TSC22D1: variants seen among roughly 807,000 people sequenced by gnomAD.
The protein encoded by TSC22D1 is TSC22 domain family member 1, also known as TSC22 domain family protein 1.
In TSC22D1, 9 loss-of-function variants were observed where a neutral mutation model predicts 74.2. That is an observed-to-expected ratio of 0.12 (90% CI 0.07 to 0.21). The LOEUF is 0.21. TSC22D1 is among the 10% of genes least tolerant of loss of function. TSC22D1 has a pLI of 1.00. For synonymous variants in TSC22D1, 586 were observed against 492.5 expected (o/e 1.19, Z -2.51); for missense variants, 1,427 against 1,304.7 (o/e 1.09, Z -1.44).
chr13:44,457,597 A>G (rs1451039111), intron 1 of TSC22D1, among the ~76,000 whole-genome samples: 1 of 151,464 alleles, frequency 6.6e-6, no homozygotes, highest in Non-Finnish European at 1.5e-5. Flanking sequence ...AACAGAAGAA[A>G]AAGAAAGCTT....
At chr13:44,443,739 C>T (rs1294827261) in intron 1 of TSC22D1, among the ~76,000 whole-genome samples, 1 of 152,012 alleles carries the variant, frequency 6.6e-6, no homozygotes, top group Non-Finnish European at 1.5e-5. Flanking sequence ...GAATGTACTA[C>T]AATATGTAGA....
intron 1 of TSC22D1, among the ~76,000 whole-genome samples, chr13:44,530,834 T>C (rs975489956): frequency 5.9e-5 from 9 of 152,226 alleles, no homozygotes; most frequent in African/African-American, 1.7e-4. Context: ...TACAACCAAA[T>C]GATAACATCA....
chr13:44,445,924 T>C (rs929706016), intron 1 of TSC22D1, among the ~76,000 whole-genome samples: 1 of 152,222 alleles, frequency 6.6e-6, no homozygotes, highest in African/African-American at 2.4e-5. Flanking sequence ...CATATATTGA[T>C]GGTGGGAATG....
intron 1 of TSC22D1, among the ~76,000 whole-genome samples, chr13:44,462,252 T>C (rs1877037607): frequency 6.6e-6 from 1 of 152,204 alleles, no homozygotes; most frequent in Non-Finnish European, 1.5e-5. Context: ...AAAATTACTA[T>C]CATTTAACTA....
intron 1 of TSC22D1, among the ~76,000 whole-genome samples, chr13:44,557,104 T>C (rs569221856): frequency 2.1e-4 from 30 of 144,944 alleles, no homozygotes; most frequent in African/African-American, 7.2e-4. Flanking sequence ...GATCGCACCA[T>C]TGCACTCCAG....
intron 1 of TSC22D1, among the ~76,000 whole-genome samples, chr13:44,517,973 T>C (rs1222656319): frequency 6.9e-6 from 1 of 145,342 alleles, no homozygotes; most frequent in African/African-American, 2.5e-5. Flanking sequence ...CCTCTCACCT[T>C]AGCCTCCAGA....
chr13:44,433,495 T>C lies in TSC22D1; in HGVS notation c.*1131A>G, dbSNP rs1166924629. ...AGTTGTGGAAATGACTGCCATTATG[T>C]TAACAGGGTCATATGAAAAACACTT... On this transcript the variant is annotated 3_prime_UTR_variant, in exon 3 of 3. Transcript: ENST00000458659. The C allele has an allele frequency of 2.6e-5, 4 of 152,596 alleles. No homozygotes were observed. Among genetic ancestry groups the C allele is most frequent in the Admixed American group, 1.3e-4 (2 of 15,298 alleles). 9.5% of individuals were successfully genotyped at this position (152,596 alleles called of 1,614,324 possible).
chr13:44,545,802 C>T (rs1160043080), intron 1 of TSC22D1, among the ~76,000 whole-genome samples: 1 of 151,866 alleles, frequency 6.6e-6, no homozygotes, highest in Non-Finnish European at 1.5e-5. Context: ...CATGGTGAAA[C>T]CCCGTCTCTA....
At position 44,524,054 on chromosome 13, in the gene TSC22D1, C is replaced by G. The variant is rs143692366; in HGVS notation, c.2912+49109G>C. On this transcript the variant is annotated intron_variant, in intron 1 of 2. Transcript: ENST00000458659. ...CTTAATATTTCCAGTGCATGAAATACTATACATAATAAAAGATGCATGAAA... is the reference window on the plus strand; with the variant it reads ...CTTAATATTTCCAGTGCATGAAATAGTATACATAATAAAAGATGCATGAAA... Among the ~76,000 whole-genome samples the G allele has an allele frequency of 8.3e-3, 1,267 of 152,174 alleles. 5 individuals carry two copies. Among genetic ancestry groups the G allele is most frequent in the Non-Finnish European group, 0.015 (999 of 68,012 alleles).
intron 1 of TSC22D1, among the ~76,000 whole-genome samples, chr13:44,570,465 T>A (rs1883684065): frequency 6.6e-6 from 1 of 152,174 alleles, no homozygotes; most frequent in Non-Finnish European, 1.5e-5. Flanking sequence ...GTGCTGGGAT[T>A]ACAGGTGTGA....
chr13:44,446,766 AGAG>A (rs1245168841), intron 1 of TSC22D1, among the ~76,000 whole-genome samples: 17 of 13,702 alleles, frequency 1.2e-3, no homozygotes, highest in Non-Finnish European at 3.9e-3. Flanking sequence ...AAGAAGAAGA[AGAG>A]GAAGAAGAGG....
chr13:44,501,541 A>G (rs1189350246), intron 1 of TSC22D1, among the ~76,000 whole-genome samples: 1 of 151,012 alleles, frequency 6.6e-6, no homozygotes, highest in African/African-American at 2.5e-5. Context: ...CTAAGGGCAC[A>G]CTTGGTCCCA....
chr13:44,554,919 G>A (rs970225205), intron 1 of TSC22D1, among the ~76,000 whole-genome samples: 3 of 151,936 alleles, frequency 2.0e-5, no homozygotes, highest in Admixed American at 2.0e-4. Flanking sequence ...TCAGATTACT[G>A]AATGAATGGT....
intron 1 of TSC22D1, among the ~76,000 whole-genome samples, chr13:44,454,631 G>C (rs1347821301): frequency 6.6e-6 from 1 of 152,260 alleles, no homozygotes; most frequent in South Asian, 2.1e-4. Flanking sequence ...AAAGGCAGAA[G>C]TTTTGTTTAC....
At chr13:44,453,165 T>C (rs1042741397) in intron 1 of TSC22D1, among the ~76,000 whole-genome samples, 8 of 152,246 alleles carry the variant, frequency 5.3e-5, no homozygotes, top group African/African-American at 1.9e-4. Flanking sequence ...TGTCTCCCTT[T>C]AACCTTCTCC....
chr13:44,516,007 T>C (rs1283887459), intron 1 of TSC22D1, among the ~76,000 whole-genome samples: 1 of 152,190 alleles, frequency 6.6e-6, no homozygotes, highest in Non-Finnish European at 1.5e-5. Flanking sequence ...AGTATACTAT[T>C]TTCAAGAGTA....
intron 1 of TSC22D1, among the ~76,000 whole-genome samples, chr13:44,463,333 C>A (rs1326651242): frequency 6.6e-6 from 1 of 152,286 alleles, no homozygotes; most frequent in East Asian, 1.9e-4. Flanking sequence ...ACATCAAATT[C>A]AACTTATTTG....
intron 1 of TSC22D1, among the ~76,000 whole-genome samples, chr13:44,556,241 C>A (rs568522314): frequency 6.7e-6 from 1 of 149,658 alleles, no homozygotes; most frequent in East Asian, 2.0e-4. Context: ...AAAAAACAAA[C>A]CACCACCACC....
Position 44,503,018 on chromosome 13 carries a change from G to A in TSC22D1, c.2913-66923C>T, listed in dbSNP as rs76191332. ...GGTATTCAAAATTTGTTTGATTGTT[G>A]CAATAATAGCCATAAGAAATCAAGA... On this transcript the variant is annotated intron_variant, in intron 1 of 2. Transcript: ENST00000458659. 3.9e-5 allele frequency among the ~76,000 whole-genome samples: 6 copies of A among 152,196 alleles called. No individual in the cohort carries two copies. In the East Asian group the frequency reaches 9.6e-4, roughly 24 times the overall value.
Sources: allele counts gnomAD v4.1 joint callset (sites outside exome capture counted in the v4.1 genomes callset), GRCh38; gene constraint gnomAD v4.1.1; transcripts MANE v1.5; gene names NCBI Gene and HGNC (gene_info 2026-07-23, HGNC 2026-07-21).